The following CHRM3 variants were observed in gnomAD, a reference collection of about 807,000 sequenced individuals.
The protein encoded by CHRM3 is cholinergic receptor muscarinic 3.
Under a neutral mutation model 41.8 loss-of-function variants are expected in CHRM3, and 11 were observed. The ratio of observed to expected loss-of-function variants is 0.26; its 90% CI spans 0.17 to 0.44. The LOEUF (loss-of-function observed/expected upper bound fraction) is 0.44. CHRM3 is among the 20% of genes least tolerant of loss of function. The pLI is 1.00. For synonymous variants in CHRM3, 297 were observed against 301.4 expected (o/e 0.99, Z 0.15); for missense variants, 571 against 745.4 (o/e 0.77, Z 2.72).
chr1:239,534,553 T>A (rs1658009151), intron 2 of CHRM3, among the ~76,000 whole-genome samples: 1 of 152,164 alleles, frequency 6.6e-6, no homozygotes, highest in African/African-American at 2.4e-5. Context: ...TATTTCTGTT[T>A]TCAAAAATTA....
intron 4 of CHRM3, among the ~76,000 whole-genome samples, chr1:239,654,919 A>C (rs1286460736): frequency 2.0e-5 from 3 of 152,256 alleles, no homozygotes; most frequent in African/African-American, 7.2e-5. Context: ...GTCCCTTTCT[A>C]ATAGATTCAC....
At chr1:239,741,438 T>G (rs915313428) in intron 5 of CHRM3, among the ~76,000 whole-genome samples, 2 of 152,100 alleles carry the variant, frequency 1.3e-5, no homozygotes, top group Non-Finnish European at 2.9e-5. Context: ...TCAAGGAAGG[T>G]TAGGGCATCC....
intron 5 of CHRM3, among the ~76,000 whole-genome samples, chr1:239,762,116 G>C (rs1666840134): frequency 6.6e-6 from 1 of 152,108 alleles, no homozygotes; most frequent in Non-Finnish European, 1.5e-5. Context: ...CAGTTTTGTA[G>C]TTGAGGCAAT....
intron 5 of CHRM3, among the ~76,000 whole-genome samples, chr1:239,782,492 T>C (rs1372518099): frequency 6.6e-6 from 1 of 152,128 alleles, no homozygotes; most frequent in Non-Finnish European, 1.5e-5. Flanking sequence ...TTTGAATTCT[T>C]ACTTTTTTTC....
chr1:239,838,714 T>C (rs898380377), intron 6 of CHRM3, among the ~76,000 whole-genome samples: 13 of 152,174 alleles, frequency 8.5e-5, no homozygotes, highest in Non-Finnish European at 1.5e-4. Context: ...TCCCATGATA[T>C]GGCAGGGTCC....
intron 1 of CHRM3, among the ~76,000 whole-genome samples, chr1:239,491,108 T>C (rs183122173): frequency 6.6e-6 from 1 of 152,318 alleles, no homozygotes; most frequent in East Asian, 1.9e-4. Context: ...GATATTTCCA[T>C]ACATTTATAC....
chr1:239,914,406 C>A lies in CHRM3; in HGVS notation c.*5182C>A, dbSNP rs1293876270. On this transcript the variant is annotated 3_prime_UTR_variant, in exon 7 of 7. Transcript: ENST00000676153. ...TGCACATCAATGTCCCATGCTGCTA[C>A]TGTAGTCAGGAGTTATTTGGCTGGG... is the stretch of plus-strand genomic sequence containing the variant. 1 of 167,018 alleles carries A rather than the reference C, an allele frequency of 6.0e-6. No individual in the cohort carries two copies. The highest frequency in any genetic ancestry group is 2.4e-5 in the African/African-American group (1 of 41,416). 10.3% of individuals were successfully genotyped at this position (167,018 alleles called of 1,614,324 possible). A position where few individuals can be genotyped will look rare whatever the true frequency, so the allele number is the denominator to read the frequency against.
intron 1 of CHRM3, among the ~76,000 whole-genome samples, chr1:239,482,900 A>G (rs1169779127): frequency 1.3e-5 from 2 of 152,208 alleles, no homozygotes; most frequent in Admixed American, 1.3e-4. Context: ...GGAAATTTTG[A>G]TATGCCTTTA....
intron 5 of CHRM3, among the ~76,000 whole-genome samples, chr1:239,783,091 A>G (rs1033661956): frequency 6.6e-6 from 1 of 152,038 alleles, no homozygotes; most frequent in East Asian, 1.9e-4. Context: ...CTTTTGTCTG[A>G]AATAGTCTAC....
At chr1:239,879,447 T>G (rs1433340755) in intron 6 of CHRM3, among the ~76,000 whole-genome samples, 1 of 152,252 alleles carries the variant, frequency 6.6e-6, no homozygotes, top group Non-Finnish European at 1.5e-5. Context: ...TATATCCATG[T>G]GTTAGCTCAG....
chr1:239,580,959 C>G (rs1211369458), intron 3 of CHRM3, among the ~76,000 whole-genome samples: 1 of 151,590 alleles, frequency 6.6e-6, no homozygotes, highest in Non-Finnish European at 1.5e-5. Context: ...AGTTTGGGTC[C>G]TACTCACAAC....
intron 4 of CHRM3, among the ~76,000 whole-genome samples, chr1:239,664,616 C>T (rs1326536145): frequency 6.6e-6 from 1 of 152,128 alleles, no homozygotes; most frequent in African/African-American, 2.4e-5. Context: ...CTGTGAGTCC[C>T]CTGCGGCCAT....
chr1:239,860,269 C>A (rs1675530466), intron 6 of CHRM3, among the ~76,000 whole-genome samples: 1 of 151,978 alleles, frequency 6.6e-6, no homozygotes, highest in African/African-American at 2.4e-5. Flanking sequence ...TAAAATGAAA[C>A]CATAATAATC....
chr1:239,526,345 A>G (rs1669992605), intron 2 of CHRM3, among the ~76,000 whole-genome samples: 2 of 152,132 alleles, frequency 1.3e-5, no homozygotes. Flanking sequence ...TACTTTCTGA[A>G]CATCCAAATC....
intron 5 of CHRM3, among the ~76,000 whole-genome samples, chr1:239,809,210 A>C (rs1099050): frequency 0.54 from 81,987 of 151,376 alleles, 23,248 homozygotes; most frequent in African/African-American, 0.72. Flanking sequence ...TTAGTAGAGA[A>C]GGGGTTTCAC....
At chr1:239,865,458 G>T (rs1380682160) in intron 6 of CHRM3, among the ~76,000 whole-genome samples, 1 of 152,222 alleles carries the variant, frequency 6.6e-6, no homozygotes, top group Non-Finnish European at 1.5e-5. Context: ...ATTCAGGAAA[G>T]GAGGAGGAAA....
chr1:239,411,289 C>G (rs1661041307), intron 1 of CHRM3, among the ~76,000 whole-genome samples: 1 of 152,244 alleles, frequency 6.6e-6, no homozygotes, highest in South Asian at 2.1e-4. Flanking sequence ...GTTAGGTGGC[C>G]TGGATCTGTG....
chr1:239,625,405 G>A (rs1668927887), intron 3 of CHRM3, among the ~76,000 whole-genome samples: 1 of 2,462 alleles, frequency 4.1e-4, no homozygotes, highest in Non-Finnish European at 6.1e-4. Context: ...TTTGGGCTGA[G>A]ACGATGGGGT....
intron 3 of CHRM3, among the ~76,000 whole-genome samples, chr1:239,580,008 C>T (rs747447522): frequency 3.9e-5 from 6 of 152,144 alleles, no homozygotes; most frequent in Non-Finnish European, 8.8e-5. Context: ...TTCTTAACCA[C>T]TATGCCAGAC....
Sources: gnomAD v4.1 joint callset for allele counts (sites outside exome capture counted in the v4.1 genomes callset) on GRCh38, gnomAD v4.1.1 for gene constraint, MANE v1.5 for transcripts, NCBI Gene and HGNC (gene_info 2026-07-23, HGNC 2026-07-21) for gene names.